Variants in TMEM272 observed in about 807,000 individuals in gnomAD.
TMEM272 encodes long intergenic non-protein coding RNA 282.
TMEM272 carries 8 observed loss-of-function variants against 3.7 expected under a neutral mutation model. That is an observed-to-expected ratio of 2.17 (90% CI 1.27 to 3.91). The LOEUF (loss-of-function observed/expected upper bound fraction) is 3.91, where lower values mean the gene tolerates loss of function less well. Ranked by LOEUF, TMEM272 falls within the 30% of genes most tolerant of loss-of-function variation. The pLI, the probability that TMEM272 is intolerant of heterozygous loss-of-function variation, is 0.00. For missense variants in TMEM272, 166 were observed against 91.5 expected (o/e 1.81, Z -3.32); for synonymous variants, 63 against 39.8 (o/e 1.58, Z -2.20).
chr13:51,893,546 T>C, the TMEM272 span, among the ~76,000 whole-genome samples: 304 of 152,140 alleles, frequency 2.0e-3, 4 homozygotes, highest in East Asian at 0.024. Flanking sequence ...TCTGGGATTC[T>C]CCCCAAAACA....
At chr13:51,930,735 T>C in the TMEM272 span, among the ~76,000 whole-genome samples, 1 of 150,548 alleles carries the variant, frequency 6.6e-6, no homozygotes, top group Non-Finnish European at 1.5e-5. Context: ...TAAAACACTG[T>C]CATAATTTTT....
At chr13:51,924,657 G>A in the TMEM272 span, among the ~76,000 whole-genome samples, 30 of 152,066 alleles carry the variant, frequency 2.0e-4, no homozygotes, top group Non-Finnish European at 3.5e-4. Flanking sequence ...GCTTCCTTCC[G>A]TCCTGCCTGA....
At chr13:51,854,389 G>GA in the TMEM272 span, among the ~76,000 whole-genome samples, 1 of 152,172 alleles carries the variant, frequency 6.6e-6, no homozygotes, top group African/African-American at 2.4e-5. Context: ...CAGGTATTGA[G>GA]ACTGGGTACT....
the TMEM272 span, among the ~76,000 whole-genome samples, chr13:51,926,293 A>C: frequency 6.6e-6 from 1 of 151,868 alleles, no homozygotes; most frequent in Non-Finnish European, 1.5e-5. Context: ...TCCCGCAGTG[A>C]CCTCCTTGCT....
chr13:51,896,020 T>C, the TMEM272 span, among the ~76,000 whole-genome samples: 4 of 152,244 alleles, frequency 2.6e-5, no homozygotes, highest in Admixed American at 6.5e-5. Context: ...ATCTCTTTTC[T>C]GTGGACAATG....
chr13:51,897,821 G>T, the TMEM272 span, among the ~76,000 whole-genome samples: 2 of 150,438 alleles, frequency 1.3e-5, no homozygotes, highest in Admixed American at 6.7e-5. Flanking sequence ...CAGCTACTCA[G>T]GAGGCTGAGG....
At position 51,813,916 on chromosome 13, in the gene TMEM272, T is replaced by A. The variant is rs1372858354; in HGVS notation, c.*2835A>T. On this transcript the variant is annotated 3_prime_UTR_variant, in exon 5 of 5. Coordinates refer to ENST00000629372, the MANE Select transcript of TMEM272 (RefSeq NM_001351003.2). Reference sequence around the variant, plus strand: ...CATAATTTGTTCCCTTGAGGTTTCATAGCATCCAGAAAGTTCAGGTGTTCC... The same window carrying A: ...CATAATTTGTTCCCTTGAGGTTTCAAAGCATCCAGAAAGTTCAGGTGTTCC... The A allele has an allele frequency of 2.6e-5, 4 of 152,232 alleles. No individual in the cohort carries two copies. Among genetic ancestry groups the A allele is most frequent in the Non-Finnish European group, 5.9e-5 (4 of 68,040 alleles). The allele number at this position is 152,232 out of a possible 1,614,324, so 9.4% of individuals were successfully genotyped here.
chr13:51,921,890 T>A, the TMEM272 span, among the ~76,000 whole-genome samples: 3 of 152,186 alleles, frequency 2.0e-5, no homozygotes, highest in East Asian at 5.8e-4. Context: ...CTCATCAGTA[T>A]CCCTCCCCAC....
intron 2 of TMEM272, among the ~76,000 whole-genome samples, chr13:51,834,717 C>G (rs1205186265): frequency 6.6e-6 from 1 of 152,130 alleles, no homozygotes; most frequent in East Asian, 1.9e-4. Flanking sequence ...CTTTGCTGGG[C>G]CCTTCTCTGC....
chr13:51,849,311 A>C (rs998762544), upstream of TMEM272, among the ~76,000 whole-genome samples: 16 of 152,220 alleles, frequency 1.1e-4, no homozygotes, highest in Admixed American at 3.3e-4. Flanking sequence ...TAGACATGGA[A>C]GTAGACTGGT....
intron 2 of TMEM272, among the ~76,000 whole-genome samples, chr13:51,833,213 G>A (rs188519089): frequency 1.2e-4 from 19 of 152,222 alleles, no homozygotes; most frequent in South Asian, 2.1e-4. Context: ...GGAGCTGAGC[G>A]TCCATCATCC....
the TMEM272 span, among the ~76,000 whole-genome samples, chr13:51,900,763 T>C: frequency 1.3e-5 from 2 of 152,194 alleles, no homozygotes; most frequent in African/African-American, 4.8e-5. Flanking sequence ...ATCCATAAAA[T>C]GGATTATTAT....
the TMEM272 span, among the ~76,000 whole-genome samples, chr13:51,859,765 T>C: frequency 6.6e-6 from 1 of 152,230 alleles, no homozygotes; most frequent in Non-Finnish European, 1.5e-5. Context: ...ATCTCATTTT[T>C]AGTTACTATA....
chr13:51,876,866 G>C, the TMEM272 span, among the ~76,000 whole-genome samples: 4 of 152,186 alleles, frequency 2.6e-5, no homozygotes, highest in Non-Finnish European at 5.9e-5. Flanking sequence ...TGTTGGGTTT[G>C]AGGTGCAAGC....
At chr13:51,874,898 A>G in the TMEM272 span, among the ~76,000 whole-genome samples, 1 of 152,206 alleles carries the variant, frequency 6.6e-6, no homozygotes, top group Non-Finnish European at 1.5e-5. Context: ...ATATAAAACA[A>G]TGCTTCGTGA....
the TMEM272 span, among the ~76,000 whole-genome samples, chr13:51,857,074 T>A: frequency 1.3e-5 from 2 of 152,196 alleles, 1 homozygote; most frequent in South Asian, 4.1e-4. Flanking sequence ...TTGATTTTGT[T>A]ATCAATTGTT....
At chr13:51,829,359 T>C (rs1166674626) in intron 2 of TMEM272, among the ~76,000 whole-genome samples, 1 of 152,236 alleles carries the variant, frequency 6.6e-6, no homozygotes, top group Non-Finnish European at 1.5e-5. Context: ...TTTTATATTT[T>C]AGTCCCTTGA....
the TMEM272 span, among the ~76,000 whole-genome samples, chr13:51,887,632 T>G: frequency 1.3e-5 from 2 of 152,198 alleles, no homozygotes; most frequent in Non-Finnish European, 1.5e-5. Flanking sequence ...CAGTAATGCA[T>G]ATCCTTATGT....
At chr13:51,890,790 G>C in the TMEM272 span, among the ~76,000 whole-genome samples, 1 of 152,178 alleles carries the variant, frequency 6.6e-6, no homozygotes, top group African/African-American at 2.4e-5. Context: ...TGTGATTCTT[G>C]TTCCTTCTTT....
Sources: gnomAD v4.1 joint callset for allele counts (sites outside exome capture counted in the v4.1 genomes callset) on GRCh38, gnomAD v4.1.1 for gene constraint, MANE v1.5 for transcripts, NCBI Gene and HGNC (gene_info 2026-07-23, HGNC 2026-07-21) for gene names.